The following HCN1 variants were observed in gnomAD, a reference collection of about 807,000 sequenced individuals.
HCN1 encodes hyperpolarization activated cyclic nucleotide gated potassium channel 1.
A neutral mutation model predicts 78.9 loss-of-function variants in HCN1; 13 were observed. That is an observed-to-expected ratio of 0.16 (90% CI 0.11 to 0.26). The LOEUF (loss-of-function observed/expected upper bound fraction) is 0.26. HCN1 is among the 10% of genes least tolerant of loss of function. The probability of loss-of-function intolerance (pLI) is 1.00; values close to 1 mark genes in which losing one functional copy is unlikely to be tolerated. For synonymous variants in HCN1, 552 were observed against 455.5 expected, an observed-to-expected ratio of 1.21 and a Z score of -2.70; for missense variants, 810 against 1,154.3, an observed-to-expected ratio of 0.70 and a Z score of 4.32.
chr5:45,640,129 C>T (rs1474695562), intron 2 of HCN1, among the ~76,000 whole-genome samples: 1 of 152,174 alleles, frequency 6.6e-6, no homozygotes, highest in African/African-American at 2.4e-5. Context: ...CACTACTTCC[C>T]ACATCATCTG....
At chr5:45,590,998 A>G (rs956573350) in intron 2 of HCN1, among the ~76,000 whole-genome samples, 1 of 145,156 alleles carries the variant, frequency 6.9e-6, no homozygotes, top group African/African-American at 2.5e-5. Context: ...TGACTGGCTA[A>G]TTTTTTTTTT....
At chr5:45,456,006 A>C (rs1327602347) in intron 3 of HCN1, among the ~76,000 whole-genome samples, 3 of 151,858 alleles carry the variant, frequency 2.0e-5, no homozygotes, top group African/African-American at 7.2e-5. Context: ...TTTCCAGTGG[A>C]ATCCCTTATT....
chr5:45,339,942 G>A (rs2111963478), intron 5 of HCN1, among the ~76,000 whole-genome samples: 1 of 152,228 alleles, frequency 6.6e-6, no homozygotes, highest in South Asian at 2.1e-4. Flanking sequence ...TTTTGAGACA[G>A]AGTTTTGCTC....
rs550928674 is a variant in HCN1, at chr5:45,260,102, C to A, written c.*1819G>T. ...TTATATCCACAAAAGGCATAACAGG[C>A]AGCAAGGATCCACTTTAGAGTTTCT... On this transcript the variant is annotated 3_prime_UTR_variant, in exon 8 of 8. Coordinates refer to ENST00000303230, the MANE Select transcript of HCN1 (RefSeq NM_021072.4). The A allele has an allele frequency of 1.3e-5, 2 of 152,334 alleles. No individual in the cohort carries two copies. The highest frequency in any genetic ancestry group is 1.9e-4 in the East Asian group (1 of 5,192). The allele number at this position is 152,334 out of a possible 1,614,324, so 9.4% of individuals were successfully genotyped here.
intron 2 of HCN1, among the ~76,000 whole-genome samples, chr5:45,529,536 G>T (rs142153558): frequency 6.6e-6 from 1 of 151,938 alleles, no homozygotes; most frequent in Non-Finnish European, 1.5e-5. Context: ...CAGGGAAGGC[G>T]TTAGAAATTA....
intron 5 of HCN1, among the ~76,000 whole-genome samples, chr5:45,322,219 T>G (rs1235964613): frequency 6.6e-6 from 1 of 151,870 alleles, no homozygotes; most frequent in African/African-American, 2.4e-5. Context: ...TTAATAAAGG[T>G]GTTAATGGGC....
intron 3 of HCN1, among the ~76,000 whole-genome samples, chr5:45,420,659 A>C (rs565440631): frequency 6.6e-6 from 1 of 152,140 alleles, no homozygotes; most frequent in South Asian, 2.1e-4. Flanking sequence ...CTCCAACATA[A>C]AGTCTTTTTT....
intron 6 of HCN1, among the ~76,000 whole-genome samples, chr5:45,301,565 A>C (rs987283923): frequency 2.6e-5 from 4 of 151,566 alleles, no homozygotes; most frequent in Non-Finnish European, 4.4e-5. Flanking sequence ...AAAAAATTAA[A>C]AAATAGGAAA....
intron 3 of HCN1, among the ~76,000 whole-genome samples, chr5:45,418,764 C>T (rs1237172094): frequency 6.6e-6 from 1 of 152,032 alleles, no homozygotes; most frequent in Non-Finnish European, 1.5e-5. Flanking sequence ...TCTGGGAATT[C>T]CTTTTTTGAG....
chr5:45,429,397 T>C (rs1740417810), intron 3 of HCN1, among the ~76,000 whole-genome samples: 1 of 152,120 alleles, frequency 6.6e-6, no homozygotes, highest in African/African-American at 2.4e-5. Flanking sequence ...CCAATATATA[T>C]CCCTTACTCA....
chr5:45,568,386 G>C (rs886132340), intron 2 of HCN1, among the ~76,000 whole-genome samples: 6 of 151,574 alleles, frequency 4.0e-5, no homozygotes, highest in Admixed American at 2.6e-4. Flanking sequence ...CAATTTTTAG[G>C]AATGTAAAGT....
Position 45,679,028 on chromosome 5 carries a change from C to G in HCN1, c.425+16641G>C, listed in dbSNP as rs577849281. 1.8e-4 allele frequency among the ~76,000 whole-genome samples: 27 copies of G among 151,930 alleles called. No homozygotes were observed. The South Asian group carries it at 5.2e-3, about 29-fold the overall frequency. On this transcript the variant is annotated intron_variant, in intron 1 of 7. Coordinates refer to ENST00000303230, the MANE Select transcript of HCN1 (RefSeq NM_021072.4). Reference sequence around the variant, plus strand: ...ATAACTAGAATTCATATACCCAGAACAAAAAATATGTATAATTCCTAAAAG... The same window carrying G: ...ATAACTAGAATTCATATACCCAGAAGAAAAAATATGTATAATTCCTAAAAG...
chr5:45,500,081 T>C (rs934414909), intron 2 of HCN1, among the ~76,000 whole-genome samples: 1 of 152,190 alleles, frequency 6.6e-6, no homozygotes, highest in African/African-American at 2.4e-5. Flanking sequence ...GAAACAATGT[T>C]ATGCTTATTG....
intron 5 of HCN1, among the ~76,000 whole-genome samples, chr5:45,345,325 C>T (rs1041403509): frequency 1.3e-5 from 2 of 152,178 alleles, no homozygotes; most frequent in Non-Finnish European, 2.9e-5. Context: ...AGGTCTCTGA[C>T]ATGCCCTGGA....
chr5:45,330,408 G>A (rs979380684), intron 5 of HCN1, among the ~76,000 whole-genome samples: 62 of 150,506 alleles, frequency 4.1e-4, no homozygotes, highest in African/African-American at 5.6e-4. Context: ...CTAAATAAAC[G>A]CACAAGACAC....
chr5:45,552,465 A>G (rs1034038339), intron 2 of HCN1, among the ~76,000 whole-genome samples: 4 of 151,988 alleles, frequency 2.6e-5, no homozygotes, highest in African/African-American at 7.2e-5. Flanking sequence ...TCATGTCCAC[A>G]TATTATTTTA....
intron 2 of HCN1, among the ~76,000 whole-genome samples, chr5:45,490,492 C>T (rs527970550): frequency 6.6e-6 from 1 of 152,216 alleles, no homozygotes; most frequent in South Asian, 2.1e-4. Flanking sequence ...TCTGAGCATT[C>T]TTACCAAACT....
rs565123457 is a variant in HCN1 at position 45,370,411 on chromosome 5, T to C, written c.1231-17165A>G. Among the ~76,000 whole-genome samples the C allele has an allele frequency of 5.3e-5, 8 of 152,144 alleles. No homozygotes were observed. In the South Asian group the frequency reaches 1.2e-3, roughly 24 times the overall value. ...TAGATATTTTAGTGGGTCAGAAACA[T>C]TGGGCATATATTCAACATACTGTTA... On this transcript the variant is annotated intron_variant, in intron 4 of 7. Coordinates refer to ENST00000303230, the MANE Select transcript of HCN1 (RefSeq NM_021072.4).
At chr5:45,417,765 A>C (rs944424748) in intron 3 of HCN1, among the ~76,000 whole-genome samples, 1 of 149,652 alleles carries the variant, frequency 6.7e-6, no homozygotes, top group Non-Finnish European at 1.5e-5. Flanking sequence ...AAAAAAAAAA[A>C]AAAAAAAAAA....
Sources: allele counts gnomAD v4.1 joint callset (sites outside exome capture counted in the v4.1 genomes callset), GRCh38; gene constraint gnomAD v4.1.1; transcripts MANE v1.5; gene names NCBI Gene and HGNC (gene_info 2026-07-23, HGNC 2026-07-21).